The following RARB variants were observed in gnomAD, a reference collection of about 807,000 sequenced individuals.
The protein encoded by RARB is retinoic acid receptor beta, also known as HBV-activated protein.
In RARB, 17 loss-of-function variants were observed where a neutral mutation model predicts 51.9. The ratio of observed to expected loss-of-function variants is 0.33; its 90% CI spans 0.22 to 0.49. The LOEUF is 0.49. Ranked by LOEUF, RARB falls within the 20% of genes least tolerant of loss-of-function variation. The pLI is 0.99. For synonymous variants in RARB, 215 were observed against 195.4 expected (o/e 1.10, Z -0.84); for missense variants, 369 against 550.8 (o/e 0.67, Z 3.30).
At chr3:24,879,841 C>T (rs1380366860) in intron 2 of RARB, among the ~76,000 whole-genome samples, 6 of 152,014 alleles carry the variant, frequency 3.9e-5, no homozygotes, top group African/African-American at 1.5e-4. Flanking sequence ...TCTTGCAGAT[C>T]TCAGATGGGT....
intron 5 of RARB, chr3:25,259,161 A>G (rs1161985006): frequency 1.2e-6 from 1 of 809,996 alleles, no homozygotes; most frequent in Non-Finnish European, 1.5e-6. Context: ...TAGTAAATAG[A>G]TATGGTAAAG....
chr3:25,046,118 G>T (rs1032388573), intron 2 of RARB, among the ~76,000 whole-genome samples: 1 of 152,146 alleles, frequency 6.6e-6, no homozygotes, highest in African/African-American at 2.4e-5. Flanking sequence ...CACCATTTCT[G>T]GGGTTGAATG....
chr3:25,560,928 C>T (rs1253097816), intron 3 of RARB, among the ~76,000 whole-genome samples: 1 of 152,136 alleles, frequency 6.6e-6, no homozygotes, highest in Admixed American at 6.6e-5. Context: ...TGGTATAGGG[C>T]TCCCACTATT....
chr3:25,566,521 G>T (rs1253616065), intron 3 of RARB, among the ~76,000 whole-genome samples: 1 of 152,186 alleles, frequency 6.6e-6, no homozygotes, highest in Non-Finnish European at 1.5e-5. Flanking sequence ...TGCAAACGGC[G>T]TGTGTGATCA....
intron 5 of RARB, among the ~76,000 whole-genome samples, chr3:25,211,775 C>T (rs968879347): frequency 4.6e-5 from 7 of 152,136 alleles, no homozygotes; most frequent in Admixed American, 3.9e-4. Context: ...TGAATATGTA[C>T]ATCTGTGTTC....
intron 2 of RARB, among the ~76,000 whole-genome samples, chr3:25,463,069 A>C (rs1335302372): frequency 6.6e-6 from 1 of 152,146 alleles, no homozygotes; most frequent in African/African-American, 2.4e-5. Context: ...TGGGGGTCTC[A>C]CGTATGTTGC....
exon 5 of RARB, chr3:25,174,317 T>G: frequency 1.6e-6 from 2 of 1,213,398 alleles, no homozygotes; most frequent in Non-Finnish European, 2.2e-6. Context: ...CTGCAGTGCA[T>G]TTGCCTCCCT....
intron 5 of RARB, among the ~76,000 whole-genome samples, chr3:25,264,567 C>A (rs1411696391): frequency 2.0e-5 from 3 of 152,218 alleles, no homozygotes; most frequent in Admixed American, 2.0e-4. Context: ...GCTTTATTTT[C>A]AGTACAATTT....
At position 25,056,882 on chromosome 3, in the gene RARB, T is replaced by C. The variant is rs141052693; in HGVS notation, c.-379-3243T>C. ...AATCATTAGAGAAAAAATTCCTTAA[T>C]GACGAGTGACTCGCTAAAGTCTGTG... On this transcript the variant is annotated intron_variant, in intron 2 of 11. Coordinates refer to the RARB transcript ENST00000383772. Among the ~76,000 whole-genome samples, 1,036 of 152,208 alleles carry C rather than the reference T, an allele frequency of 6.8e-3. 8 individuals are homozygous for C. Among genetic ancestry groups the C allele is most frequent in the Non-Finnish European group, 0.011 (759 of 67,978 alleles).
intron 5 of RARB, among the ~76,000 whole-genome samples, chr3:25,308,089 T>A (rs1704196411): frequency 6.6e-6 from 1 of 152,238 alleles, no homozygotes; most frequent in Non-Finnish European, 1.5e-5. Flanking sequence ...TAGGTACAGA[T>A]GTCCAGCAGT....
At position 25,344,966 on chromosome 3, in the gene RARB, C is replaced by A. The variant is rs186689019; in HGVS notation, c.179-116227C>A. Among the ~76,000 whole-genome samples the A allele has an allele frequency of 1.9e-4, 28 of 151,294 alleles. No individual in the cohort carries two copies. In the Middle Eastern group the frequency reaches 0.01, roughly 55 times the overall value. On this transcript the variant is annotated intron_variant, in intron 5 of 11. Transcript: ENST00000383772. ...TGGCATGTTTGTAAGTTAAAGTATACATTTATGGTCTTAAGCATTTTCTTT... is the reference window on the plus strand; with the variant it reads ...TGGCATGTTTGTAAGTTAAAGTATAAATTTATGGTCTTAAGCATTTTCTTT...
At chr3:24,931,442 C>T (rs982793458) in intron 2 of RARB, among the ~76,000 whole-genome samples, 3 of 151,956 alleles carry the variant, frequency 2.0e-5, no homozygotes, top group African/African-American at 7.2e-5. Flanking sequence ...ATCAGTGGTC[C>T]CATTAGGCTG....
At chr3:25,178,755 C>T (rs776023728) in intron 5 of RARB, among the ~76,000 whole-genome samples, 1 of 152,138 alleles carries the variant, frequency 6.6e-6, no homozygotes, top group Admixed American at 6.6e-5. Context: ...AGAGTGCCGC[C>T]GTACTGCCTT....
intron 5 of RARB, among the ~76,000 whole-genome samples, chr3:25,415,447 C>T (rs543096422): frequency 1.3e-5 from 2 of 152,112 alleles, no homozygotes; most frequent in Admixed American, 6.5e-5. Flanking sequence ...TATTCCAGCA[C>T]CATTTTTTGG....
intron 5 of RARB, among the ~76,000 whole-genome samples, chr3:25,220,430 G>C (rs762545570): frequency 1.3e-5 from 2 of 152,160 alleles, no homozygotes; most frequent in South Asian, 4.1e-4. Flanking sequence ...ATAAGACCTA[G>C]TTTCAAAAGC....
intron 4 of RARB, among the ~76,000 whole-genome samples, chr3:25,576,552 T>C (rs953557246): frequency 3.3e-5 from 5 of 152,196 alleles, no homozygotes; most frequent in African/African-American, 1.2e-4. Flanking sequence ...TCCAAGGTCA[T>C]GTCCCAGCTC....
At chr3:25,076,961 T>C (rs925259639) in intron 3 of RARB, among the ~76,000 whole-genome samples, 3 of 152,198 alleles carry the variant, frequency 2.0e-5, no homozygotes, top group African/African-American at 7.2e-5. Context: ...TCATTGTAAG[T>C]GAGGACATCA....
At chr3:25,014,326 C>G (rs776225278) in intron 2 of RARB, among the ~76,000 whole-genome samples, 3 of 151,950 alleles carry the variant, frequency 2.0e-5, no homozygotes, top group Non-Finnish European at 4.4e-5. Context: ...CCTCAAGAGT[C>G]TTGGAAGCTC....
chr3:24,994,905 G>A (rs1447115902), intron 2 of RARB, among the ~76,000 whole-genome samples: 1 of 152,008 alleles, frequency 6.6e-6, no homozygotes, highest in Non-Finnish European at 1.5e-5. Flanking sequence ...GTGTTGTATA[G>A]TTTGAGGTCT....
Sources: gnomAD v4.1 joint callset for allele counts (sites outside exome capture counted in the v4.1 genomes callset) on GRCh38, gnomAD v4.1.1 for gene constraint, MANE v1.5 for transcripts, NCBI Gene and HGNC (gene_info 2026-07-23, HGNC 2026-07-21) for gene names.